Variants in DPP6 observed in about 807,000 individuals in gnomAD.
DPP6 encodes dipeptidyl peptidase like 6.
A neutral mutation model predicts 122.6 loss-of-function variants in DPP6; 69 were observed. The ratio of observed to expected loss-of-function variants is 0.56; its 90% CI spans 0.46 to 0.69. The LOEUF is 0.69. Ranked by LOEUF, DPP6 falls within the 30% of genes least tolerant of loss-of-function variation. The pLI, the probability that DPP6 is intolerant of heterozygous loss-of-function variation, is 0.00. For synonymous variants in DPP6, 418 were observed against 433.1 expected (o/e 0.97, Z 0.43); for missense variants, 928 against 1,116.9 (o/e 0.83, Z 2.41).
chr7:153,813,626 G>A, the DPP6 span, among the ~76,000 whole-genome samples: 1 of 152,022 alleles, frequency 6.6e-6, no homozygotes, highest in Non-Finnish European at 1.5e-5. Context: ...GGTTGAACTA[G>A]TTTACAGTCC....
At chr7:154,435,000 T>C (rs1399962019) in intron 1 of DPP6, among the ~76,000 whole-genome samples, 1 of 151,936 alleles carries the variant, frequency 6.6e-6, no homozygotes, top group Non-Finnish European at 1.5e-5. Context: ...TTATGCCCCA[T>C]TACTTTTTGT....
the DPP6 span, among the ~76,000 whole-genome samples, chr7:153,751,918 G>A: frequency 4.2e-4 from 64 of 151,916 alleles, no homozygotes; most frequent in Middle Eastern, 3.2e-3. Flanking sequence ...TATGTATTAC[G>A]TTAGACATCA....
chr7:154,689,221 G>A (rs1002599332), intron 7 of DPP6, among the ~76,000 whole-genome samples: 4 of 152,196 alleles, frequency 2.6e-5, no homozygotes, highest in Non-Finnish European at 5.9e-5. Context: ...TGAAGTTGCT[G>A]TAGATTCATT....
At chr7:154,773,089 T>C (rs1468278518) in intron 10 of DPP6, 147 bp downstream of exon 10, 14 of 1,124,008 alleles carry the variant, frequency 1.2e-5, no homozygotes, top group Non-Finnish European at 1.7e-5. Flanking sequence ...TCCTCACTGC[T>C]TTATGATTCC....
intron 18 of DPP6, 40 bp downstream of exon 18, chr7:154,868,133 A>AGAAAAC: frequency 1.9e-6 from 3 of 1,558,650 alleles, no homozygotes; most frequent in Non-Finnish European, 2.6e-6. Context: ...AAAAAGAAAA[A>AGAAAAC]GAAAACGTGG....
At chr7:154,056,500 G>C (rs1800827897) in intron 1 of DPP6, among the ~76,000 whole-genome samples, 1 of 151,972 alleles carries the variant, frequency 6.6e-6, no homozygotes, top group East Asian at 1.9e-4. Flanking sequence ...TTTTTAAAGG[G>C]CTTTGGAGGC....
At chr7:154,227,673 A>G (rs1209834628) in intron 1 of DPP6, among the ~76,000 whole-genome samples, 1 of 148,268 alleles carries the variant, frequency 6.7e-6, no homozygotes, top group Non-Finnish European at 1.5e-5. Flanking sequence ...CCTCTCCCCT[A>G]CACTGTTGAC....
At chr7:154,003,655 T>C (rs1797782483) in intron 1 of DPP6, among the ~76,000 whole-genome samples, 1 of 151,840 alleles carries the variant, frequency 6.6e-6, no homozygotes, top group Admixed American at 6.5e-5. Flanking sequence ...CTTCTGAATA[T>C]TGGATGATCT....
At chr7:154,259,006 G>C (rs1369945471) in intron 1 of DPP6, among the ~76,000 whole-genome samples, 1 of 152,054 alleles carries the variant, frequency 6.6e-6, no homozygotes, top group African/African-American at 2.4e-5. Context: ...TGAGTGTTTG[G>C]GAAGAGGTAG....
At chr7:154,327,651 G>A (rs1444172522) in intron 1 of DPP6, among the ~76,000 whole-genome samples, 2 of 152,146 alleles carry the variant, frequency 1.3e-5, no homozygotes, top group Non-Finnish European at 2.9e-5. Flanking sequence ...CTAGAATTTA[G>A]AACTCAAAAA....
the DPP6 span, among the ~76,000 whole-genome samples, chr7:153,755,651 G>A: frequency 1.3e-5 from 2 of 151,870 alleles, no homozygotes; most frequent in East Asian, 3.9e-4. Flanking sequence ...TCCTATTTCC[G>A]AACTTTTCCT....
At chr7:154,637,693 G>C (rs1272433926) in intron 5 of DPP6, 128 bp from the exon 6 acceptor site, 1 of 856,490 alleles carries the variant, frequency 1.2e-6, no homozygotes, top group Admixed American at 3.1e-5. Context: ...AAAAGACTTT[G>C]TCTCCAGGTG....
intron 10 of DPP6, among the ~76,000 whole-genome samples, chr7:154,779,944 T>C (rs1796923865): frequency 6.6e-6 from 1 of 152,224 alleles, no homozygotes; most frequent in Non-Finnish European, 1.5e-5. Flanking sequence ...TGGATGTAAA[T>C]TACAATTTCA....
At chr7:154,523,525 G>A (rs1827166591) in intron 3 of DPP6, among the ~76,000 whole-genome samples, 2 of 152,012 alleles carry the variant, frequency 1.3e-5, no homozygotes, top group South Asian at 4.2e-4. Flanking sequence ...ACATTCCCAG[G>A]CCATATTCAA....
At chr7:154,835,224 C>T (rs1800955654) in intron 16 of DPP6, among the ~76,000 whole-genome samples, 1 of 152,082 alleles carries the variant, frequency 6.6e-6, no homozygotes, top group South Asian at 2.1e-4. Context: ...GGGTGGCCTT[C>T]CAAGAAGAGG....
chr7:154,065,047 C>T (rs1321182467), intron 1 of DPP6, among the ~76,000 whole-genome samples: 3 of 152,130 alleles, frequency 2.0e-5, no homozygotes, highest in East Asian at 3.9e-4. Flanking sequence ...AAAGCAGCAA[C>T]CTCATCTACC....
chr7:154,464,206 C>T (rs909033300), intron 2 of DPP6, among the ~76,000 whole-genome samples: 2 of 152,194 alleles, frequency 1.3e-5, no homozygotes, highest in Non-Finnish European at 2.9e-5. Context: ...TGACTGAGTT[C>T]TGCCTAGCGT....
At chr7:153,766,353 T>G in the DPP6 span, among the ~76,000 whole-genome samples, 69,410 of 152,052 alleles carry the variant, frequency 0.46, 16,112 homozygotes, top group South Asian at 0.54. Flanking sequence ...GCATTGAGTT[T>G]TTGTATTAAG....
intron 1 of DPP6, among the ~76,000 whole-genome samples, chr7:154,279,513 G>A (rs10230969): frequency 0.27 from 40,927 of 152,138 alleles, 5,752 homozygotes; most frequent in Non-Finnish European, 0.31. Flanking sequence ...AGGCATCTCA[G>A]TACAGCAATA....
Sources: allele counts gnomAD v4.1 joint callset (sites outside exome capture counted in the v4.1 genomes callset), GRCh38; gene constraint gnomAD v4.1.1; transcripts MANE v1.5; gene names NCBI Gene and HGNC (gene_info 2026-07-23, HGNC 2026-07-21).